Variants in AMN1 observed in about 807,000 individuals in gnomAD.
The protein encoded by AMN1 is antagonist of mitotic exit network 1 homolog.
AMN1 carries 20 observed loss-of-function variants against 33.0 expected under a neutral mutation model. The ratio of observed to expected loss-of-function variants is 0.61; its 90% CI spans 0.43 to 0.88. The LOEUF (loss-of-function observed/expected upper bound fraction) is 0.88. Ranked by LOEUF, AMN1 falls within the 40% of genes least tolerant of loss-of-function variation. The pLI is 0.00. For missense variants in AMN1, 246 were observed against 307.4 expected (o/e 0.80, Z 1.49); for synonymous variants, 114 against 111.9 (o/e 1.02, Z -0.12).
chr12:31,696,717 G>A (rs1313718618), intron 5 of AMN1, among the ~76,000 whole-genome samples: 13 of 151,854 alleles, frequency 8.6e-5, no homozygotes, highest in Admixed American at 7.2e-4. Context: ...ACCTGAGGTC[G>A]GGAGTTCGAG....
At chr12:31,699,709 A>T (rs1938906040) in intron 3 of AMN1, among the ~76,000 whole-genome samples, 2 of 152,124 alleles carry the variant, frequency 1.3e-5, no homozygotes, top group African/African-American at 4.8e-5. Flanking sequence ...ATGGAGGAGG[A>T]GGTCATGGAA....
At chr12:31,704,862 A>G (rs1939157373) in intron 2 of AMN1, among the ~76,000 whole-genome samples, 1 of 152,232 alleles carries the variant, frequency 6.6e-6, no homozygotes, top group Non-Finnish European at 1.5e-5. Flanking sequence ...CCATCAAACA[A>G]AAACCTAAGT....
At chr12:31,723,855 G>T (rs953480771) in intron 1 of AMN1, among the ~76,000 whole-genome samples, 4 of 152,156 alleles carry the variant, frequency 2.6e-5, no homozygotes, top group African/African-American at 9.7e-5. Context: ...CTACCACTTG[G>T]TTGAGGATAC....
rs1938310647 is a variant in AMN1, at chr12:31,687,409, G to A, written c.703+1598C>T. Among the ~76,000 whole-genome samples the A allele has an allele frequency of 6.6e-6, 1 of 152,186 alleles. No individual in the cohort carries two copies. Among genetic ancestry groups the A allele is most frequent in the Admixed American group, 6.5e-5 (1 of 15,268 alleles). On this transcript the variant is annotated intron_variant, in intron 6 of 6. Transcript: ENST00000281471. The surrounding 1 kb of genome is among the most constrained non-coding windows in gnomAD (Gnocchi z 4.1). ...AACCTACAGAATAATTGTTTAGACT[G>A]GCTGGGCATGGTGGCTCACGCCTGT... is the stretch of plus-strand genomic sequence containing the variant.
chr12:31,674,694 C>T (rs1380452636), intron 6 of AMN1, among the ~76,000 whole-genome samples: 2 of 152,108 alleles, frequency 1.3e-5, no homozygotes, highest in Non-Finnish European at 2.9e-5. Context: ...GAACAAAGAA[C>T]TAAAACCACA....
At chr12:31,724,936 A>G (rs986415759) in intron 1 of AMN1, among the ~76,000 whole-genome samples, 1 of 152,250 alleles carries the variant, frequency 6.6e-6, no homozygotes, top group Non-Finnish European at 1.5e-5. Flanking sequence ...AAACAAATTG[A>G]TTAAATTTGT....
intron 1 of AMN1, among the ~76,000 whole-genome samples, chr12:31,712,587 T>C (rs1369109828): frequency 6.6e-6 from 1 of 152,120 alleles, no homozygotes; most frequent in African/African-American, 2.4e-5. Flanking sequence ...TTCCATCATA[T>C]ATATGTATTA....
chr12:31,674,338 G>T (rs1455037346), intron 6 of AMN1, among the ~76,000 whole-genome samples: 4 of 151,806 alleles, frequency 2.6e-5, no homozygotes, highest in African/African-American at 4.8e-5. Flanking sequence ...AACCAGGGAG[G>T]CGGAGATTGC....
intron 2 of AMN1, among the ~76,000 whole-genome samples, chr12:31,707,353 C>T (rs1039616627): frequency 6.6e-6 from 1 of 152,044 alleles, no homozygotes; most frequent in Non-Finnish European, 1.5e-5. Context: ...GTACAGGTAC[C>T]ATGAAGACAA....
chr12:31,728,929 T>G (rs1592183632), intron 1 of AMN1, 42 bp downstream of exon 1: 1 of 1,533,338 alleles, frequency 6.5e-7, no homozygotes, highest in Non-Finnish European at 8.8e-7. Flanking sequence ...TTGGAGGAGG[T>G]GCTGGGGCGG....
intron 1 of AMN1, among the ~76,000 whole-genome samples, chr12:31,713,473 C>T (rs12303424): frequency 0.56 from 85,218 of 152,004 alleles, 24,061 homozygotes; most frequent in South Asian, 0.64. Context: ...GGGTGATATA[C>T]ATCTATGTAC....
rs1072778 is a variant in AMN1 at position 31,672,037 on chromosome 12, T to C, written c.*267A>G. 102,222 of 318,586 alleles carry C rather than the reference T, an allele frequency of 0.32. 17,230 individuals are homozygous for C. The highest frequency in any genetic ancestry group is 0.36 in the Non-Finnish European group (61,475 of 173,026). The allele number at this position is 318,586 out of a possible 1,614,324, so 19.7% of individuals were successfully genotyped here. On this transcript the variant is annotated 3_prime_UTR_variant, in exon 7 of 7. Coordinates refer to ENST00000281471, the MANE Select transcript of AMN1 (RefSeq NM_001113402.2). ...ATTTAAGAAACAGAATCCAACACCA[T>C]AGATCAGAGTTCATGCTAGGATTAT... is the stretch of plus-strand genomic sequence containing the variant.
At chr12:31,675,473 C>G (rs1264281744) in intron 6 of AMN1, among the ~76,000 whole-genome samples, 1 of 151,388 alleles carries the variant, frequency 6.6e-6, no homozygotes, top group Non-Finnish European at 1.5e-5. Context: ...ATGTTTTCTC[C>G]CTAGGATCAA....
chr12:31,717,011 T>A (rs1939700354), intron 1 of AMN1, among the ~76,000 whole-genome samples: 1 of 148,492 alleles, frequency 6.7e-6, no homozygotes, highest in African/African-American at 2.5e-5. Context: ...CAGGAACTGA[T>A]TTTTTTTTTT....
At chr12:31,673,613 A>G (rs1439563231) in intron 6 of AMN1, 2 of 432,404 alleles carry the variant, frequency 4.6e-6, no homozygotes, top group Non-Finnish European at 9.2e-6. Flanking sequence ...ACACTTTCCA[A>G]CTCTTTCTGT....
Position 31,725,160 on chromosome 12 carries a change from A to C in AMN1, c.38+3811T>G, listed in dbSNP as rs962129621. 5.3e-5 allele frequency among the ~76,000 whole-genome samples: 8 copies of C among 152,352 alleles called. No individual in the cohort carries two copies. In the South Asian group the frequency reaches 8.3e-4, roughly 16 times the overall value. ...TTAAAACGGATGGACACAAAAAGCC[A>C]GGCTTGATGAGCAATCTGTCCAGAT... On this transcript the variant is annotated intron_variant, in intron 1 of 6. Transcript: ENST00000281471.
chr12:31,729,031 T>G (rs1300890374), upstream of AMN1: 4 of 1,538,030 alleles, frequency 2.6e-6, no homozygotes, highest in Middle Eastern at 1.7e-4. Context: ...TGAAGCCTCT[T>G]CCGCGGTCCC....
chr12:31,674,163 CT>C (rs1057210204), intron 6 of AMN1, among the ~76,000 whole-genome samples: 2 of 152,118 alleles, frequency 1.3e-5, no homozygotes, highest in Non-Finnish European at 2.9e-5. Context: ...AATCCCAGCA[CT>C]TTGGGAGGCT....
chr12:31,699,395 C>CAAAAAAAAAAAAAAAAAAAAAAAAAAAAA (rs34860207), intron 3 of AMN1, among the ~76,000 whole-genome samples: 3 of 36,874 alleles, frequency 8.1e-5, no homozygotes, highest in East Asian at 9.8e-4. Context: ...GACTCTGTCT[C>CAAAAAAAAAAAAAAAAAAAAAAAAAAAAA]AAAAAAAAAA....
Sources: gnomAD v4.1 joint callset for allele counts (sites outside exome capture counted in the v4.1 genomes callset) on GRCh38, gnomAD v4.1.1 for gene constraint, Gnocchi (gnomAD v3.1) non-coding constraint, MANE v1.5 for transcripts, NCBI Gene and HGNC (gene_info 2026-07-23, HGNC 2026-07-21) for gene names.